MAP2: variants seen among roughly 807,000 people sequenced by gnomAD.
MAP2 encodes microtubule-associated protein 2.
In MAP2, 14 loss-of-function variants were observed where a neutral mutation model predicts 137.6. The ratio of observed to expected loss-of-function variants is 0.10; its 90% CI spans 0.07 to 0.16. The LOEUF (loss-of-function observed/expected upper bound fraction) is 0.16. MAP2 is among the 10% of genes least tolerant of loss of function. MAP2 has a pLI of 1.00. For synonymous variants in MAP2, 786 were observed against 782.3 expected, an observed-to-expected ratio of 1.00 and a Z score of -0.08; for missense variants, 2,088 against 2,191.5, an observed-to-expected ratio of 0.95 and a Z score of 0.94.
At chr2:209,585,066 G>C (rs2077371061) in intron 3 of MAP2, among the ~76,000 whole-genome samples, 2 of 152,054 alleles carry the variant, frequency 1.3e-5, no homozygotes, top group South Asian at 4.1e-4. Flanking sequence ...CATGAGGCTG[G>C]ATATGTGGGT....
At chr2:209,626,306 T>C (rs2092313523) in intron 4 of MAP2, among the ~76,000 whole-genome samples, 1 of 151,986 alleles carries the variant, frequency 6.6e-6, no homozygotes, top group Admixed American at 6.6e-5. Flanking sequence ...TCCCAGCTAC[T>C]GGGGAGGCTG....
At chr2:209,486,780 A>G (rs1490037712) in intron 1 of MAP2, among the ~76,000 whole-genome samples, 1 of 152,232 alleles carries the variant, frequency 6.6e-6, no homozygotes, top group Non-Finnish European at 1.5e-5. Flanking sequence ...TCATTCCAAT[A>G]TAATACTTTC....
At chr2:209,721,825 G>T (rs2071142245) in intron 13 of MAP2, 1 of 152,136 alleles carries the variant, frequency 6.6e-6, no homozygotes, top group South Asian at 2.1e-4. Flanking sequence ...TCAAGGATTA[G>T]TAAAATAGCT....
At chr2:209,535,380 T>G (rs540383710) in intron 2 of MAP2, among the ~76,000 whole-genome samples, 1 of 152,178 alleles carries the variant, frequency 6.6e-6, no homozygotes, top group Non-Finnish European at 1.5e-5. Flanking sequence ...TCACTTAGAA[T>G]TATAAATTTT....
intron 1 of MAP2, among the ~76,000 whole-genome samples, chr2:209,446,631 A>G (rs1699124750): frequency 6.6e-6 from 1 of 151,982 alleles, no homozygotes; most frequent in South Asian, 2.1e-4. Flanking sequence ...TTAAAATTAC[A>G]TTATTAAAAT....
At chr2:209,700,200 T>G (rs542744859) in intron 10 of MAP2, 77 bp from the exon 11 acceptor site, 1 of 1,165,604 alleles carries the variant, frequency 8.6e-7, no homozygotes, top group Non-Finnish European at 1.3e-6. Context: ...CAACAGAATA[T>G]CCTACAGGTA....
At chr2:209,540,601 A>C in intron 2 of MAP2, among the ~76,000 whole-genome samples, 1 of 119,518 alleles carries the variant, frequency 8.4e-6, no homozygotes, top group Non-Finnish European at 1.6e-5. Flanking sequence ...ATTGCACTCC[A>C]GCCTGCGTGA....
intron 5 of MAP2, among the ~76,000 whole-genome samples, chr2:209,654,962 C>G (rs1324079645): frequency 6.6e-6 from 1 of 152,078 alleles, no homozygotes; most frequent in Non-Finnish European, 1.5e-5. Flanking sequence ...ACTCTCAGTG[C>G]CTGTTATGAA....
At chr2:209,615,614 C>G (rs2088972844) in intron 3 of MAP2, among the ~76,000 whole-genome samples, 1 of 152,156 alleles carries the variant, frequency 6.6e-6, no homozygotes, top group Non-Finnish European at 1.5e-5. Flanking sequence ...GGGGAAGTCT[C>G]ATTAATAGTC....
At chr2:209,587,415 G>A (rs1053145366) in intron 3 of MAP2, among the ~76,000 whole-genome samples, 4 of 151,982 alleles carry the variant, frequency 2.6e-5, no homozygotes, top group African/African-American at 9.7e-5. Flanking sequence ...GGACTGTTTT[G>A]GTTGGTGACA....
chr2:209,700,462 C>T (rs1468377977), intron 11 of MAP2, 124 bp downstream of exon 11: 10 of 734,894 alleles, frequency 1.4e-5, no homozygotes, highest in East Asian at 2.8e-5. Context: ...ATAGTTCGCT[C>T]ACCCAGAAGA....
At chr2:209,613,853 G>A (rs1239260092) in intron 3 of MAP2, among the ~76,000 whole-genome samples, 1 of 152,048 alleles carries the variant, frequency 6.6e-6, no homozygotes, top group Non-Finnish European at 1.5e-5. Flanking sequence ...ACGAGCCCAG[G>A]GTAACCCAAG....
At chr2:209,700,521 G>T (rs570968487) in intron 11 of MAP2, among the ~76,000 whole-genome samples, 183 bp downstream of exon 11, 4 of 152,164 alleles carry the variant, frequency 2.6e-5, no homozygotes, top group African/African-American at 4.8e-5. Context: ...CTGGGATGGC[G>T]TATGATGGTA....
At chr2:209,486,188 A>G (rs1349911436) in intron 1 of MAP2, among the ~76,000 whole-genome samples, 1 of 152,190 alleles carries the variant, frequency 6.6e-6, no homozygotes, top group Non-Finnish European at 1.5e-5. Flanking sequence ...ATTAGTTAAA[A>G]GAATGAATAA....
intron 5 of MAP2, among the ~76,000 whole-genome samples, chr2:209,676,765 A>ATC: frequency 1.0e-5 from 1 of 99,034 alleles, no homozygotes; most frequent in Non-Finnish European, 2.1e-5. Context: ...ATATATATAT[A>ATC]TATATATCTC....
At chr2:209,644,332 G>A (rs568232959) in intron 4 of MAP2, among the ~76,000 whole-genome samples, 51 of 152,128 alleles carry the variant, frequency 3.4e-4, no homozygotes, top group African/African-American at 1.2e-3. Context: ...GTTTTTACTA[G>A]ACCCTATTCG....
Position 209,695,580 on chromosome 2 carries a change from A to G in MAP2, c.3410A>G (p.His1137Arg). Residue 1137 changes from histidine to arginine, a missense_variant, in exon 8 of 16, where the codon CAT becomes CGT. This residue lies in a region of MAP2 where 8 missense variants were observed against 28.8 expected (regional missense o/e 0.28). Transcript: ENST00000682079. ...GAGTCCTATGAATCTAGTGGTGAGC[A>G]TGAAAGTCTCACCATGGAGTCCTTG... ...KEESYESSGE[H>R]ESLTMESLKA... 1 of 1,613,934 alleles carries G rather than the reference A, an allele frequency of 6.2e-7. No homozygotes were observed. Among genetic ancestry groups the G allele is most frequent in the Non-Finnish European group, 8.5e-7 (1 of 1,179,846 alleles).
chr2:209,448,062 G>C (rs976860803), intron 1 of MAP2, among the ~76,000 whole-genome samples: 1 of 152,016 alleles, frequency 6.6e-6, no homozygotes. Flanking sequence ...TTGAAAGCAC[G>C]GCCTTAATGT....
chr2:209,475,858 C>G (rs1370159809), intron 1 of MAP2, among the ~76,000 whole-genome samples: 1 of 152,042 alleles, frequency 6.6e-6, no homozygotes, highest in Non-Finnish European at 1.5e-5. Context: ...TATTCCAGAA[C>G]CTTCTATGAA....
Sources: gnomAD v4.1 joint callset for allele counts (sites outside exome capture counted in the v4.1 genomes callset) on GRCh38, gnomAD v4.1.1 for gene constraint, gnomAD v4.1.1 regional missense constraint, MANE v1.5 for transcripts, NCBI Gene and HGNC (gene_info 2026-07-23, HGNC 2026-07-21) for gene names.